Variants in PTPRD observed in about 807,000 individuals in gnomAD.
The protein encoded by PTPRD is receptor-type tyrosine-protein phosphatase delta.
A neutral mutation model predicts 214.5 loss-of-function variants in PTPRD; 34 were observed. That is an observed-to-expected ratio of 0.16 (90% CI 0.12 to 0.21). The LOEUF is 0.21. Ranked by LOEUF, PTPRD falls within the 10% of genes least tolerant of loss-of-function variation. The probability of loss-of-function intolerance (pLI) is 1.00; values close to 1 mark genes in which losing one functional copy is unlikely to be tolerated. For synonymous variants in PTPRD, 1,128 were observed against 845.7 expected, an observed-to-expected ratio of 1.33 and a Z score of -5.79; for missense variants, 2,545 against 2,398.7, an observed-to-expected ratio of 1.06 and a Z score of -1.27.
At chr9:10,242,909 A>G (rs1229888181) in intron 3 of PTPRD, among the ~76,000 whole-genome samples, 1 of 151,514 alleles carries the variant, frequency 6.6e-6, no homozygotes, top group Non-Finnish European at 1.5e-5. Flanking sequence ...AGTTTGAGAG[A>G]AAAAGGAAGG....
intron 5 of PTPRD, among the ~76,000 whole-genome samples, chr9:9,911,643 C>T (rs1018070968): frequency 6.6e-6 from 1 of 152,014 alleles, no homozygotes; most frequent in East Asian, 1.9e-4. Flanking sequence ...AAAAATGTTG[C>T]TTTTATATTT....
intron 36 of PTPRD, among the ~76,000 whole-genome samples, chr9:8,394,725 G>A (rs1191921105): frequency 6.6e-6 from 1 of 152,146 alleles, no homozygotes; most frequent in Non-Finnish European, 1.5e-5. Flanking sequence ...TAGAGGCTTT[G>A]TGTCTCTCAG....
intron 10 of PTPRD, among the ~76,000 whole-genome samples, chr9:9,045,721 T>C (rs559323478): frequency 6.6e-6 from 1 of 152,336 alleles, no homozygotes; most frequent in Non-Finnish European, 1.5e-5. Context: ...ACACATTGTC[T>C]TCCTGTTCAT....
At chr9:9,310,998 A>G (rs1958826151) in intron 9 of PTPRD, among the ~76,000 whole-genome samples, 2 of 151,622 alleles carry the variant, frequency 1.3e-5, no homozygotes, top group Non-Finnish European at 2.9e-5. Flanking sequence ...TAAATATGAA[A>G]GTGAGTGCTC....
chr9:9,740,596 C>G (rs908419261), intron 6 of PTPRD, among the ~76,000 whole-genome samples: 1 of 152,068 alleles, frequency 6.6e-6, no homozygotes, highest in African/African-American at 2.4e-5. Context: ...CTCCTGCCCT[C>G]GTGATCTGTC....
At chr9:8,389,149 A>G in intron 37 of PTPRD, 83 bp downstream of exon 37, 1 of 1,209,110 alleles carries the variant, frequency 8.3e-7, no homozygotes, top group Non-Finnish European at 1.1e-6. Flanking sequence ...GGGAAAGGTT[A>G]GATTCTGAAC....
intron 6 of PTPRD, among the ~76,000 whole-genome samples, chr9:9,737,951 T>C (rs2098329239): frequency 6.6e-6 from 1 of 152,138 alleles, no homozygotes; most frequent in African/African-American, 2.4e-5. Context: ...TAGCAAGGCA[T>C]AAGGTTTACA....
intron 14 of PTPRD, among the ~76,000 whole-genome samples, chr9:8,589,861 G>A (rs1284959630): frequency 6.6e-6 from 1 of 152,170 alleles, no homozygotes; most frequent in Non-Finnish European, 1.5e-5. Flanking sequence ...AAGTCTCACA[G>A]TGGCTACGTT....
intron 9 of PTPRD, among the ~76,000 whole-genome samples, chr9:9,339,082 T>C (rs1017580397): frequency 6.6e-6 from 1 of 152,304 alleles, no homozygotes; most frequent in Non-Finnish European, 1.5e-5. Context: ...CAGTTGCCAG[T>C]GCCATTGGGA....
At chr9:9,939,895 A>G (rs539702087) in intron 4 of PTPRD, among the ~76,000 whole-genome samples, 1 of 152,284 alleles carries the variant, frequency 6.6e-6, no homozygotes, top group East Asian at 1.9e-4. Flanking sequence ...TTAATCTCAG[A>G]TCATTCTGGA....
At chr9:10,452,381 T>C (rs765475753) in intron 2 of PTPRD, among the ~76,000 whole-genome samples, 7 of 151,838 alleles carry the variant, frequency 4.6e-5, no homozygotes, top group Non-Finnish European at 8.9e-5. Context: ...TATTTTTATT[T>C]TTTTTTGAAG....
chr9:8,570,128 G>A (rs1422163391), intron 14 of PTPRD, among the ~76,000 whole-genome samples: 2 of 152,012 alleles, frequency 1.3e-5, no homozygotes, highest in Non-Finnish European at 2.9e-5. Context: ...TTCAACCACT[G>A]AAAAATGGGT....
At position 10,447,380 on chromosome 9, in the gene PTPRD, G is replaced by C. The variant is rs570821368; in HGVS notation, c.-599-106363C>G. ...ATCTTCCTTGATTGAAGGTACCTTTGGGCTCTCATTTGCTACTGTTAATAT... is the reference window on the plus strand; with the variant it reads ...ATCTTCCTTGATTGAAGGTACCTTTCGGCTCTCATTTGCTACTGTTAATAT... On this transcript the variant is annotated intron_variant, in intron 2 of 45. Coordinates refer to ENST00000381196, the MANE Select transcript of PTPRD (RefSeq NM_002839.4). Among the ~76,000 whole-genome samples, 12 of 151,944 alleles carry C rather than the reference G, an allele frequency of 7.9e-5. No individual in the cohort carries two copies. The South Asian group carries it at 2.3e-3, about 29-fold the overall frequency.
At chr9:10,286,288 A>G (rs897134864) in intron 3 of PTPRD, among the ~76,000 whole-genome samples, 1 of 152,092 alleles carries the variant, frequency 6.6e-6, no homozygotes, top group Non-Finnish European at 1.5e-5. Context: ...AAAAAAATTC[A>G]AAAATTAGCC....
intron 8 of PTPRD, among the ~76,000 whole-genome samples, chr9:9,560,555 G>T (rs904201861): frequency 6.6e-6 from 1 of 152,256 alleles, no homozygotes; most frequent in African/African-American, 2.4e-5. Flanking sequence ...ACTGCCACCG[G>T]GTACCACAGC....
intron 7 of PTPRD, among the ~76,000 whole-genome samples, chr9:9,645,004 G>A (rs2096103130): frequency 1.3e-5 from 2 of 152,334 alleles, no homozygotes; most frequent in East Asian, 3.9e-4. Flanking sequence ...GTAAAAGGCT[G>A]TCACCTTGAC....
chr9:10,208,438 C>T (rs1363265278), intron 3 of PTPRD, among the ~76,000 whole-genome samples: 2 of 152,148 alleles, frequency 1.3e-5, no homozygotes, highest in African/African-American at 4.8e-5. Context: ...GGCGTGAACC[C>T]GGGAGGCGGA....
At chr9:9,343,404 A>T (rs756444233) in intron 9 of PTPRD, among the ~76,000 whole-genome samples, 3 of 152,156 alleles carry the variant, frequency 2.0e-5, no homozygotes, top group Non-Finnish European at 4.4e-5. Flanking sequence ...CTGACTTTCT[A>T]ATGATCACCA....
chr9:9,548,598 C>T (rs2079412830), intron 8 of PTPRD, among the ~76,000 whole-genome samples: 1 of 151,576 alleles, frequency 6.6e-6, no homozygotes, highest in Non-Finnish European at 1.5e-5. Context: ...GGGGTTTCAC[C>T]ATGCTGGCCA....
Sources: allele counts gnomAD v4.1 joint callset (sites outside exome capture counted in the v4.1 genomes callset), GRCh38; gene constraint gnomAD v4.1.1; transcripts MANE v1.5; gene names NCBI Gene and HGNC (gene_info 2026-07-23, HGNC 2026-07-21).